BBS9: variants seen among roughly 807,000 people sequenced by gnomAD.
BBS9 encodes the protein Bardet-Biedl syndrome 9.
A neutral mutation model predicts 117.7 loss-of-function variants in BBS9; 89 were observed. The ratio of observed to expected loss-of-function variants is 0.76; its 90% confidence interval spans 0.64 to 0.90. The LOEUF is 0.90. Among genes scored for constraint, BBS9 ranks in the 40% least tolerant of loss-of-function variants. BBS9 has a pLI of 0.00. For missense variants in BBS9, 982 were observed against 1,042.2 expected, an observed-to-expected ratio of 0.94 and a Z score of 0.80; for synonymous variants, 379 against 370.9, an observed-to-expected ratio of 1.02 and a Z score of -0.25.
At chr7:33,509,030 T>A (rs999924200) in intron 20 of BBS9, among the ~76,000 whole-genome samples, 5 of 152,102 alleles carry the variant, frequency 3.3e-5, no homozygotes, top group Non-Finnish European at 5.9e-5. Context: ...TAGAAGAAAA[T>A]TCTTTCAACT....
At chr7:33,338,360 G>T (rs1235621174) in intron 10 of BBS9, among the ~76,000 whole-genome samples, 7 of 152,002 alleles carry the variant, frequency 4.6e-5, no homozygotes, top group Non-Finnish European at 1.5e-5. Flanking sequence ...GCACAAAATT[G>T]TTTTATTACA....
intron 10 of BBS9, among the ~76,000 whole-genome samples, chr7:33,338,214 A>G (rs180795901): frequency 1.3e-5 from 2 of 152,294 alleles, no homozygotes; most frequent in African/African-American, 4.8e-5. Flanking sequence ...ATTTCTGGGA[A>G]AGAAACAAAG....
chr7:33,577,037 G>A (rs898458210), intron 21 of BBS9, among the ~76,000 whole-genome samples: 1 of 152,146 alleles, frequency 6.6e-6, no homozygotes, highest in Non-Finnish European at 1.5e-5. Flanking sequence ...GGCAACAAAA[G>A]CCAAAATAGA....
At chr7:33,287,957 A>G (rs1445503640) in intron 9 of BBS9, among the ~76,000 whole-genome samples, 1 of 152,176 alleles carries the variant, frequency 6.6e-6, no homozygotes, top group Admixed American at 6.5e-5. Context: ...GAACTTGCAC[A>G]GCGGGGCTTG....
intron 21 of BBS9, among the ~76,000 whole-genome samples, chr7:33,575,567 T>C (rs908489874): frequency 1.3e-5 from 2 of 152,048 alleles, no homozygotes; most frequent in Non-Finnish European, 2.9e-5. Flanking sequence ...ATGAGGCCAG[T>C]ATCATCCTGA....
rs1471119560 is a variant in BBS9, at chr7:33,179,778, TC to T, written c.442+2189del. The stretch of plus-strand genomic sequence containing the variant: ...GAAAAATTGTCTTCCACAAAACTGG[TC>T]CTTGATGCCAAAAAGGTTGGGGACC... On this transcript the variant is annotated intron_variant, in intron 5 of 22. Transcript: ENST00000242067. 2.6e-5 allele frequency among the ~76,000 whole-genome samples: 4 copies of T among 152,302 alleles called. No homozygotes were observed. In the East Asian group the frequency reaches 7.7e-4, roughly 29 times the overall value.
chr7:33,431,147 A>T (rs1230129108), intron 19 of BBS9, among the ~76,000 whole-genome samples: 2 of 151,644 alleles, frequency 1.3e-5, no homozygotes, highest in African/African-American at 2.4e-5. Context: ...TTGAGCCAAG[A>T]TCATGCCACT....
intron 9 of BBS9, among the ~76,000 whole-genome samples, chr7:33,304,071 TG>T (rs1807235037): frequency 1.4e-5 from 2 of 143,756 alleles, no homozygotes; most frequent in African/African-American, 2.6e-5. Context: ...GGAGCGTCTC[TG>T]CCTGGCTGCC....
intron 21 of BBS9, among the ~76,000 whole-genome samples, chr7:33,582,402 C>T (rs115803244): frequency 0.01 from 1,527 of 152,008 alleles, 26 homozygotes; most frequent in African/African-American, 0.035. Flanking sequence ...AAGTGAAGGC[C>T]AGGACAGGTT....
At chr7:33,346,171 A>T (rs1817548380) in intron 12 of BBS9, 1 of 431,910 alleles carries the variant, frequency 2.3e-6, no homozygotes, top group Non-Finnish European at 4.7e-6. Context: ...CCTGTCTGAC[A>T]GTTTCTATAC....
intron 20 of BBS9, among the ~76,000 whole-genome samples, chr7:33,515,217 A>T (rs1847566320): frequency 6.6e-6 from 1 of 152,222 alleles, no homozygotes. Context: ...ACTTATTTAG[A>T]CATACATTTT....
intron 9 of BBS9, among the ~76,000 whole-genome samples, chr7:33,319,913 A>T (rs115519544): frequency 1.3e-5 from 2 of 152,368 alleles, no homozygotes; most frequent in Admixed American, 1.3e-4. Context: ...ACGAATAGAC[A>T]GTTCTCAAAA....
At chr7:33,542,719 G>A (rs1202622524) in intron 21 of BBS9, among the ~76,000 whole-genome samples, 2 of 147,028 alleles carry the variant, frequency 1.4e-5, no homozygotes, top group Admixed American at 6.7e-5. Flanking sequence ...GTGTGTGTGT[G>A]TGTGTGTGTG....
intron 19 of BBS9, among the ~76,000 whole-genome samples, chr7:33,417,936 C>T (rs1162393730): frequency 6.6e-6 from 1 of 152,134 alleles, no homozygotes; most frequent in Non-Finnish European, 1.5e-5. Context: ...AAGGGTTAAG[C>T]CTGGTGATTG....
At chr7:33,511,612 A>G (rs1846980174) in intron 20 of BBS9, among the ~76,000 whole-genome samples, 1 of 152,222 alleles carries the variant, frequency 6.6e-6, no homozygotes, top group South Asian at 2.1e-4. Flanking sequence ...TACTGAACTT[A>G]AAAATCCCCT....
At chr7:33,300,326 T>G (rs1331997191) in intron 9 of BBS9, among the ~76,000 whole-genome samples, 2 of 152,198 alleles carry the variant, frequency 1.3e-5, no homozygotes, top group African/African-American at 2.4e-5. Context: ...GTGGTCAGCT[T>G]CTGGCATGGA....
rs1485386773 is a variant in BBS9 at position 33,462,332 on chromosome 7, A to C, written c.2116-43131A>C. 2.6e-5 allele frequency among the ~76,000 whole-genome samples: 4 copies of C among 152,082 alleles called. No homozygotes were observed. In the East Asian group the frequency reaches 7.7e-4, roughly 29 times the overall value. ...CTTGTAATCATTTCATTGATTGAGG[A>C]AATATGTAAAGTTTTTTTGACAAGA... On this transcript the variant is annotated intron_variant, in intron 19 of 22. Transcript: ENST00000242067.
chr7:33,617,652 T>G (rs1488323445), intron 21 of BBS9, among the ~76,000 whole-genome samples: 2 of 151,874 alleles, frequency 1.3e-5, no homozygotes, highest in South Asian at 2.1e-4. Flanking sequence ...TAAACAAAAT[T>G]GGGAAAACAA....
chr7:33,147,636 A>G (rs1026127443), intron 2 of BBS9, among the ~76,000 whole-genome samples: 3 of 152,216 alleles, frequency 2.0e-5, no homozygotes, highest in African/African-American at 7.2e-5. Flanking sequence ...GAGTCATGCC[A>G]CAGAAATACC....
Sources: allele counts gnomAD v4.1 joint callset (sites outside exome capture counted in the v4.1 genomes callset), GRCh38; gene constraint gnomAD v4.1.1; transcripts MANE v1.5; gene names NCBI Gene and HGNC (gene_info 2026-07-23, HGNC 2026-07-21).